The following LMF1 variants were observed in gnomAD, a reference collection of about 807,000 sequenced individuals.
LMF1 encodes lipase maturation factor 1.
A neutral mutation model predicts 60.6 loss-of-function variants in LMF1; 68 were observed. That is an observed-to-expected ratio of 1.12 (90% confidence interval 0.92 to 1.37). LMF1 has a LOEUF of 1.37. Ranked by LOEUF, LMF1 falls within the 40% of genes most tolerant of loss-of-function variation. The probability of loss-of-function intolerance (pLI) is 0.00; values close to 1 mark genes in which losing one functional copy is unlikely to be tolerated. For synonymous variants in LMF1, 418 were observed against 324.7 expected, an observed-to-expected ratio of 1.29 and a Z score of -3.09; for missense variants, 948 against 767.2, an observed-to-expected ratio of 1.24 and a Z score of -2.78.
At chr16:885,334 G>A (rs1043003655) in intron 5 of LMF1, among the ~76,000 whole-genome samples, 1 of 152,154 alleles carries the variant, frequency 6.6e-6, no homozygotes, top group Non-Finnish European at 1.5e-5. Context: ...AAGGAACAGA[G>A]AACACATGGG....
intron 10 of LMF1, 76 bp downstream of exon 10, chr16:868,868 G>T: frequency 1.1e-6 from 1 of 939,522 alleles, no homozygotes; most frequent in Non-Finnish European, 1.7e-6. Context: ...TGGGGGTGCA[G>T]GTACAGGTGG....
At chr16:911,524 A>AGGCAGCACTGGGGG (rs1234746042) in intron 3 of LMF1, among the ~76,000 whole-genome samples, 3 of 90,786 alleles carry the variant, frequency 3.3e-5, no homozygotes, top group Admixed American at 1.2e-4. Context: ...AGCACTGGGG[A>AGGCAGCACTGGGGG]GGCAGCACTG....
intron 10 of LMF1, among the ~76,000 whole-genome samples, chr16:867,114 C>G (rs2069630253): frequency 6.6e-6 from 1 of 151,110 alleles, no homozygotes; most frequent in Admixed American, 6.6e-5. Flanking sequence ...CTCCAGCTGC[C>G]AAACATGTGT....
intron 10 of LMF1, among the ~76,000 whole-genome samples, chr16:867,852 C>G (rs2069656411): frequency 6.6e-6 from 1 of 152,148 alleles, no homozygotes; most frequent in South Asian, 2.1e-4. Flanking sequence ...CCTGGGCTGC[C>G]AGACTCGGGC....
chr16:952,281 C>T (rs984226278), intron 2 of LMF1, among the ~76,000 whole-genome samples: 5 of 151,022 alleles, frequency 3.3e-5, no homozygotes, highest in African/African-American at 1.2e-4. Context: ...TTACAAGTGC[C>T]CACTCCAGCA....
At chr16:894,311 GGATCGTCCACCC>G (rs2070595143) in intron 4 of LMF1, among the ~76,000 whole-genome samples, 1 of 44,450 alleles carries the variant, frequency 2.2e-5, no homozygotes, top group Non-Finnish European at 5.1e-5. Context: ...CCTGTCCACC[GGATCGTCCACCC>G]ACCCGTCCCC....
intron 3 of LMF1, among the ~76,000 whole-genome samples, chr16:921,731 C>A (rs1030232550): frequency 6.6e-6 from 1 of 152,112 alleles, no homozygotes; most frequent in African/African-American, 2.4e-5. Flanking sequence ...GAAGCACCGA[C>A]GCAGGGACGG....
At chr16:876,053 C>T (rs561763087) in intron 6 of LMF1, among the ~76,000 whole-genome samples, 6 of 152,364 alleles carry the variant, frequency 3.9e-5, no homozygotes, top group South Asian at 2.1e-4. Flanking sequence ...CCTGGCCCCA[C>T]GCCTGTGCTC....
chr16:970,138 G>A (rs1317934290), intron 1 of LMF1, among the ~76,000 whole-genome samples: 1 of 152,202 alleles, frequency 6.6e-6, no homozygotes, highest in East Asian at 1.9e-4. Flanking sequence ...CTTCCCGAAC[G>A]CAGACTGAGC....
chr16:934,858 T>C (rs765242187), intron 2 of LMF1, among the ~76,000 whole-genome samples: 2 of 152,194 alleles, frequency 1.3e-5, no homozygotes, highest in Non-Finnish European at 2.9e-5. Context: ...CTGACCTCTC[T>C]AACCCCACCC....
intron 5 of LMF1, among the ~76,000 whole-genome samples, chr16:890,288 C>T (rs2070444209): frequency 6.6e-6 from 1 of 152,228 alleles, no homozygotes; most frequent in Non-Finnish European, 1.5e-5. Flanking sequence ...CCCCAAGGGG[C>T]CCCCGGGAAG....
At chr16:959,693 G>A (rs1027684617) in intron 1 of LMF1, among the ~76,000 whole-genome samples, 2 of 152,182 alleles carry the variant, frequency 1.3e-5, no homozygotes, top group African/African-American at 2.4e-5. Context: ...GTACACAAAC[G>A]CTGCACTCCA....
At chr16:892,839 C>T (rs951499462) in intron 5 of LMF1, among the ~76,000 whole-genome samples, 168 bp downstream of exon 5, 2 of 152,230 alleles carry the variant, frequency 1.3e-5, no homozygotes, top group African/African-American at 4.8e-5. Context: ...AGCAAGCCCC[C>T]GTGTGACCAC....
intron 5 of LMF1, among the ~76,000 whole-genome samples, chr16:892,263 G>A (rs546435765): frequency 3.9e-5 from 6 of 152,332 alleles, no homozygotes; most frequent in East Asian, 1.9e-4. Flanking sequence ...TGCGAGTGAC[G>A]GGCCAAATGC....
chr16:860,101 T>C (rs2069411881), intron 10 of LMF1, among the ~76,000 whole-genome samples: 1 of 152,188 alleles, frequency 6.6e-6, no homozygotes, highest in Non-Finnish European at 1.5e-5. Flanking sequence ...ATTATTTTAG[T>C]ATTAAGTTAT....
chr16:970,846 G>A lies in LMF1; in HGVS notation c.135C>T (p.His45=). The change falls in exon 1 of 11, where the codon CAC becomes CAT. Residue 45 remains histidine, a synonymous_variant. Coordinates refer to ENST00000262301, the MANE Select transcript of LMF1 (RefSeq NM_022773.4). ...RGPAGSPAHL[H]TGTFWLTRIV... ...TCCGGGTCAGCCAGAAGGTGCCCGT[G>A]TGGAGATGGGCCGGAGAGCCTGCGG... The A allele has an allele frequency of 6.4e-7, 1 of 1,555,292 alleles. No individual in the cohort carries two copies. Among genetic ancestry groups the A allele is most frequent in the Admixed American group, 1.9e-5 (1 of 52,220 alleles).
intron 3 of LMF1, among the ~76,000 whole-genome samples, chr16:932,935 G>A (rs894262064): frequency 1.2e-4 from 18 of 149,332 alleles, no homozygotes; most frequent in African/African-American, 4.5e-4. Flanking sequence ...TCAGGCCGCC[G>A]CACACGCTTC....
At chr16:908,871 G>A (rs1043484693) in intron 4 of LMF1, among the ~76,000 whole-genome samples, 5 of 152,328 alleles carry the variant, frequency 3.3e-5, no homozygotes, top group East Asian at 3.9e-4. Flanking sequence ...CACCACCCCC[G>A]TGCGGCTGGG....
chr16:935,581 A>C (rs1273609118), intron 2 of LMF1, among the ~76,000 whole-genome samples: 1 of 151,410 alleles, frequency 6.6e-6, no homozygotes, highest in East Asian at 1.9e-4. Context: ...TAAAAAAAAA[A>C]AAACTCATAA....
Sources: gnomAD v4.1 joint callset for allele counts (sites outside exome capture counted in the v4.1 genomes callset) on GRCh38, gnomAD v4.1.1 for gene constraint, MANE v1.5 for transcripts, NCBI Gene and HGNC (gene_info 2026-07-23, HGNC 2026-07-21) for gene names.